ACYP2: variants seen among roughly 807,000 people sequenced by gnomAD.
ACYP2 encodes acylphosphatase 2.
In ACYP2, 12 loss-of-function variants were observed where a neutral mutation model predicts 11.2. The ratio of observed to expected loss-of-function variants is 1.08; its 90% confidence interval spans 0.69 to 1.74. The LOEUF (loss-of-function observed/expected upper bound fraction) is 1.74, where lower values mean the gene tolerates loss of function less well. Ranked by LOEUF, ACYP2 falls within the 40% of genes most tolerant of loss-of-function variation. The pLI is 0.00. For missense variants in ACYP2, 134 were observed against 101.9 expected, an observed-to-expected ratio of 1.31 and a Z score of -1.35; for synonymous variants, 43 against 32.2, an observed-to-expected ratio of 1.33 and a Z score of -1.13.
At position 54,255,406 on chromosome 2, in the gene ACYP2, G is replaced by A. The variant is rs1349429259; in HGVS notation, c.405-49282G>A. ...GCGGAAAGCAGTGACCCAGAAGCCC[G>A]GGATATTGCGAATGATGTCATTCCT... On this transcript the variant is annotated intron_variant, in intron 6 of 6. Transcript: ENST00000607452. The A allele has an allele frequency of 3.1e-6, 5 of 1,613,914 alleles. No individual in the cohort carries two copies. In the African/African-American group the frequency reaches 4.0e-5, roughly 13 times the overall value.
At chr2:54,064,721 C>T (rs893203904) in intron 4 of ACYP2, among the ~76,000 whole-genome samples, 13 of 152,222 alleles carry the variant, frequency 8.5e-5, no homozygotes, top group Non-Finnish European at 1.5e-4. Context: ...AAGAATGATG[C>T]GGAGGCAGTG....
At chr2:54,277,849 C>A (rs901142968) in intron 6 of ACYP2, among the ~76,000 whole-genome samples, 3 of 151,846 alleles carry the variant, frequency 2.0e-5, no homozygotes, top group African/African-American at 7.3e-5. Context: ...TGTCATTTAC[C>A]ATGATATTTT....
At chr2:54,012,384 G>T (rs533445444) in intron 2 of ACYP2, among the ~76,000 whole-genome samples, 1 of 152,220 alleles carries the variant, frequency 6.6e-6, no homozygotes, top group Admixed American at 6.5e-5. Context: ...AGGCATGGTG[G>T]CACATGCTTG....
At chr2:54,296,035 C>T (rs1029905536) in intron 6 of ACYP2, among the ~76,000 whole-genome samples, 5 of 151,940 alleles carry the variant, frequency 3.3e-5, no homozygotes, top group Non-Finnish European at 5.9e-5. Context: ...GCTCGAATTA[C>T]AGCATGAGCC....
chr2:54,036,863 C>T (rs751014920), intron 2 of ACYP2, among the ~76,000 whole-genome samples: 3 of 152,128 alleles, frequency 2.0e-5, no homozygotes, highest in Non-Finnish European at 4.4e-5. Flanking sequence ...GGACACCCAA[C>T]TGTGGTGCTC....
intron 6 of ACYP2, chr2:54,253,385 TAAAAGA>T (rs1351656323): frequency 2.0e-5 from 3 of 152,116 alleles, no homozygotes; most frequent in East Asian, 3.8e-4. Context: ...TATTTGAAAG[TAAAAGA>T]AAATCTGTAC....
rs77798822 is a variant in ACYP2 at position 54,166,814 on chromosome 2, T to G, written c.404+28066T>G. 1.2e-3 allele frequency: 190 copies of G among 152,242 alleles called. 2 individuals carry two copies. The highest frequency in any genetic ancestry group is 4.4e-3 in the African/African-American group (182 of 41,542). 9.4% of individuals were successfully genotyped at this position (152,242 alleles called of 1,614,324 possible). On this transcript the variant is annotated intron_variant, in intron 6 of 6. Coordinates refer to ENST00000607452, the MANE Select transcript of ACYP2 (RefSeq NM_001320586.2). ...CACCTCCATTTCTTAGTCTCACATT[T>G]GCCACCCCAGTTCGCTGGCAATGCT...
chr2:54,181,337 T>C (rs915529801), intron 6 of ACYP2, among the ~76,000 whole-genome samples: 1 of 152,192 alleles, frequency 6.6e-6, no homozygotes, highest in Non-Finnish European at 1.5e-5. Flanking sequence ...TTATGTGTTA[T>C]GGAAGGTAGT....
intron 6 of ACYP2, among the ~76,000 whole-genome samples, chr2:54,236,165 G>A (rs1686468804): frequency 6.6e-6 from 1 of 151,780 alleles, no homozygotes; most frequent in South Asian, 2.1e-4. Context: ...CCAACTCCTG[G>A]GCTCAAGTGA....
chr2:54,261,374 A>G (rs843692), intron 6 of ACYP2, among the ~76,000 whole-genome samples: 71,279 of 151,836 alleles, frequency 0.47, 17,405 homozygotes, highest in African/African-American at 0.61. Context: ...GGCAGAAATA[A>G]AGATGTGGAG....
At chr2:53,975,498 C>G (rs1671427615) in intron 2 of ACYP2, 2 of 380,032 alleles carry the variant, frequency 5.3e-6, no homozygotes. Flanking sequence ...AACTTGTTAT[C>G]TCTTGAAGGT....
intron 6 of ACYP2, among the ~76,000 whole-genome samples, chr2:54,172,775 C>T (rs1355521534): frequency 1.3e-5 from 2 of 152,098 alleles, no homozygotes; most frequent in Admixed American, 6.6e-5. Flanking sequence ...CCATTCCCAC[C>T]TATGAGTGAG....
chr2:54,041,082 C>CCTCT (rs888695062), intron 2 of ACYP2, among the ~76,000 whole-genome samples: 23 of 148,180 alleles, frequency 1.6e-4, no homozygotes, highest in Admixed American at 8.8e-4. Context: ...CTTTTCTTTT[C>CCTCT]CTCTCTCTCT....
intron 2 of ACYP2, among the ~76,000 whole-genome samples, chr2:53,989,968 T>C (rs1487335407): frequency 1.8e-5 from 2 of 112,156 alleles, no homozygotes; most frequent in African/African-American, 7.1e-5. Context: ...CATAAACCCT[T>C]TTCTTTTCTT....
At chr2:54,115,327 T>TG (rs1385760011) in intron 4 of ACYP2, 1 of 496,768 alleles carries the variant, frequency 2.0e-6, no homozygotes, top group Non-Finnish European at 3.5e-6. Flanking sequence ...TTAATAAAGC[T>TG]GGGGGAAGCC....
chr2:54,262,565 A>ATTACCATAAGAGTATTT (rs1687826152), intron 6 of ACYP2, among the ~76,000 whole-genome samples: 1 of 152,224 alleles, frequency 6.6e-6, no homozygotes, highest in Non-Finnish European at 1.5e-5. Context: ...TGATGTCATC[A>ATTACCATAAGAGTATTT]TTACCATAAG....
At chr2:54,301,204 G>C (rs569875961) in intron 6 of ACYP2, among the ~76,000 whole-genome samples, 25 of 151,912 alleles carry the variant, frequency 1.6e-4, no homozygotes, top group African/African-American at 5.8e-4. Flanking sequence ...TTTTAAATTT[G>C]CTAACATTAC....
chr2:54,264,127 C>G (rs992279866), intron 6 of ACYP2, among the ~76,000 whole-genome samples: 1 of 152,266 alleles, frequency 6.6e-6, no homozygotes, highest in African/African-American at 2.4e-5. Context: ...TTTGTTCCTT[C>G]AGATGTTCAG....
intron 2 of ACYP2, among the ~76,000 whole-genome samples, chr2:54,049,893 G>A (rs921045486): frequency 6.6e-6 from 1 of 152,086 alleles, no homozygotes; most frequent in Non-Finnish European, 1.5e-5. Context: ...TCCAGCCCTA[G>A]AATCAGTTAT....
Sources: gnomAD v4.1 joint callset for allele counts (sites outside exome capture counted in the v4.1 genomes callset) on GRCh38, gnomAD v4.1.1 for gene constraint, MANE v1.5 for transcripts, NCBI Gene and HGNC (gene_info 2026-07-23, HGNC 2026-07-21) for gene names.